Variants in KANK4 observed in about 807,000 individuals in gnomAD.
KANK4 encodes the protein KN motif and ankyrin repeat domain-containing protein 4.
Under a neutral mutation model 80.8 loss-of-function variants are expected in KANK4, and 50 were observed. That is an observed-to-expected ratio of 0.62 (90% CI 0.49 to 0.78). KANK4 has a LOEUF of 0.78. KANK4 is among the 30% of genes least tolerant of loss of function. The pLI, the probability that KANK4 is intolerant of heterozygous loss-of-function variation, is 0.00. For missense variants in KANK4, 1,196 were observed against 1,240.1 expected (o/e 0.96, Z 0.53); for synonymous variants, 465 against 506.9 (o/e 0.92, Z 1.11).
At chr1:62,256,513 G>T (rs1229918722) in intron 7 of KANK4, among the ~76,000 whole-genome samples, 1 of 151,994 alleles carries the variant, frequency 6.6e-6, no homozygotes. Flanking sequence ...AGCCTGAATA[G>T]CTGGGATTAC....
chr1:62,313,616 C>T (rs1179116147), intron 1 of KANK4, among the ~76,000 whole-genome samples: 3 of 151,934 alleles, frequency 2.0e-5, no homozygotes, highest in South Asian at 2.1e-4. Flanking sequence ...AACATTACAC[C>T]GCATGTTCTC....
At chr1:62,269,558 T>G (rs888691581) in intron 4 of KANK4, among the ~76,000 whole-genome samples, 1 of 152,176 alleles carries the variant, frequency 6.6e-6, no homozygotes, top group African/African-American at 2.4e-5. Context: ...GCATATTACA[T>G]TTACCAAACA....
At chr1:62,247,728 C>T (rs771624435) in intron 8 of KANK4, 56 bp from the exon 9 acceptor site, 43 of 1,470,384 alleles carry the variant, frequency 2.9e-5, no homozygotes, top group Non-Finnish European at 3.7e-5. Context: ...GAAGGACCCC[C>T]TCTCCAGCCT....
In KANK4 at chr1:62,266,734, A is replaced by T. The variant is rs1362462702; in HGVS notation, c.2317T>A (p.Leu773Met). Reference protein sequence around the residue: ...PETGTTTDQLLRQSLNTISQE... With the variant: ...PETGTTTDQLMRQSLNTISQE... ...ATGACAATGAAAAATTAGAGTACCA[A>T]GAGCTGGTCTGTGGTGGTCCCAGTT... Residue 773 changes from leucine (L) to methionine (M), a missense_variant and splice_region_variant, in exon 6 of 10, where the codon TTG (leucine) becomes ATG (methionine). Leu to Met is a conservative substitution (Grantham distance 15, BLOSUM62 2). This residue lies in a region of KANK4 where 1,154 missense variants were observed against 1,179.6 expected (regional missense o/e 0.98). Coordinates refer to ENST00000371153, the MANE Select transcript of KANK4 (RefSeq NM_181712.5). The T allele has an allele frequency of 6.3e-7, 1 of 1,595,030 alleles. No homozygotes were observed. The highest frequency in any genetic ancestry group is 1.3e-5 in the African/African-American group (1 of 74,482).
At position 62,238,048 on chromosome 1, in the gene KANK4, C is replaced by T; in HGVS notation, c.*229G>A. On this transcript the variant is annotated 3_prime_UTR_variant, in exon 10 of 10. Transcript: ENST00000371153. ...ACACCGACGTACCCCTCACCTTGCA[C>T]CTTGAACCCTGCTCTGAAGCCCGTG... 2 of 476,734 alleles carry T rather than the reference C, an allele frequency of 4.2e-6. No individual in the cohort carries two copies. Among genetic ancestry groups the T allele is most frequent in the East Asian group, 3.2e-5 (1 of 31,492 alleles). The allele number at this position is 476,734 out of a possible 1,614,324, so 29.5% of individuals were successfully genotyped here.
chr1:62,305,252 T>G (rs540490071), intron 1 of KANK4, among the ~76,000 whole-genome samples: 1 of 152,312 alleles, frequency 6.6e-6, no homozygotes, highest in East Asian at 1.9e-4. Context: ...ATAAAAGTGA[T>G]TCCAGGGAAA....
rs1671939386 is a variant in KANK4 at position 62,263,322 on chromosome 1, A to C, written c.2320-11T>G. On this transcript the variant is annotated splice_polypyrimidine_tract_variant and intron_variant, in intron 6 of 9. Coordinates refer to ENST00000371153, the MANE Select transcript of KANK4 (RefSeq NM_181712.5). ...GTTCAAGCTTTGCCTCTGAAACCCCAAAAAAGACCAATTCCAAGAGGTTCC... is the reference window on the plus strand; with the variant it reads ...GTTCAAGCTTTGCCTCTGAAACCCCCAAAAAGACCAATTCCAAGAGGTTCC... 1 of 1,607,374 alleles carries C rather than the reference A, an allele frequency of 6.2e-7. No homozygotes were observed. Among genetic ancestry groups the C allele is most frequent in the Non-Finnish European group, 8.5e-7 (1 of 1,175,826 alleles).
chr1:62,281,614 C>G lies in KANK4; in HGVS notation c.-50G>C, dbSNP rs754823048. On this transcript the variant is annotated 5_prime_UTR_variant, in exon 2 of 10. Transcript: ENST00000371153. ...CTCAGGCACTCTTCATCCAATGAGT[C>G]TGTAAAACTTGTTGAAGGTTCTGAA... 3 of 1,610,384 alleles carry G rather than the reference C, an allele frequency of 1.9e-6. No individual in the cohort carries two copies. The highest frequency in any genetic ancestry group is 2.7e-5 in the African/African-American group (2 of 74,828).
At chr1:62,299,789 T>C (rs10889318) in intron 1 of KANK4, among the ~76,000 whole-genome samples, 113,597 of 151,668 alleles carry the variant, frequency 0.75, 43,676 homozygotes, top group African/African-American at 0.92. Context: ...AATTTGTAGG[T>C]AGGATGTTTT....
intron 1 of KANK4, among the ~76,000 whole-genome samples, chr1:62,300,534 A>G (rs1644403161): frequency 6.6e-6 from 1 of 152,094 alleles, no homozygotes; most frequent in Non-Finnish European, 1.5e-5. Context: ...GGATGAGTAA[A>G]AGTTAAGCAG....
chr1:62,293,432 CT>C (rs1338924344), intron 1 of KANK4, among the ~76,000 whole-genome samples: 3 of 152,030 alleles, frequency 2.0e-5, no homozygotes, highest in Non-Finnish European at 4.4e-5. Context: ...AGCAGAGTCC[CT>C]GGCCCAGTGA....
chr1:62,271,454 C>T, intron 4 of KANK4, 24 bp downstream of exon 4: 1 of 1,497,780 alleles, frequency 6.7e-7, no homozygotes, highest in Non-Finnish European at 9.3e-7. Context: ...GAAAGGCAGT[C>T]TGAGCTTCAC....
chr1:62,315,841 A>T (rs1209476653), intron 1 of KANK4, among the ~76,000 whole-genome samples: 1 of 152,204 alleles, frequency 6.6e-6, no homozygotes, highest in Non-Finnish European at 1.5e-5. Context: ...TTGAACTAGG[A>T]GTAAAAGTTG....
intron 9 of KANK4, among the ~76,000 whole-genome samples, chr1:62,241,946 C>A (rs939227259): frequency 2.0e-5 from 3 of 152,178 alleles, no homozygotes; most frequent in African/African-American, 7.2e-5. Context: ...GACTCCTCGA[C>A]TGCAGACATG....
chr1:62,247,782 T>C, intron 8 of KANK4, 110 bp from the exon 9 acceptor site: 1 of 863,530 alleles, frequency 1.2e-6, no homozygotes, highest in Non-Finnish European at 1.9e-6. Flanking sequence ...ACCACTGATT[T>C]GAATCTCCTG....
At chr1:62,256,294 G>GA (rs1246711862) in intron 7 of KANK4, among the ~76,000 whole-genome samples, 1 of 151,694 alleles carries the variant, frequency 6.6e-6, no homozygotes, top group Non-Finnish European at 1.5e-5. Context: ...TATGGTTTAT[G>GA]AAAAAAATGT....
At chr1:62,277,828 T>C (rs1186608636) in intron 2 of KANK4, among the ~76,000 whole-genome samples, 1 of 152,238 alleles carries the variant, frequency 6.6e-6, no homozygotes, top group Admixed American at 6.5e-5. Context: ...GAGCCTGTAT[T>C]AATAATAAAT....
In KANK4 at chr1:62,308,537, C is replaced by T. The variant is rs1644472459; in HGVS notation, c.-71+10569G>A. ...CTCTCCTGGTCCAGGTTGGAGAGAA[C>T]TATCCTGGTCTCAGGAGGAATCACA... On this transcript the variant is annotated intron_variant, in intron 1 of 9. Transcript: ENST00000371153. Among the ~76,000 whole-genome samples, 3 of 152,162 alleles carry T rather than the reference C, an allele frequency of 2.0e-5. No homozygotes were observed. In the South Asian group the frequency reaches 6.2e-4, roughly 31 times the overall value.
At chr1:62,271,787 G>T in intron 3 of KANK4, 198 bp from the exon 4 acceptor site, 1 of 529,256 alleles carries the variant, frequency 1.9e-6, no homozygotes, top group South Asian at 2.1e-5. Context: ...TGGGAGAACT[G>T]TCTCTGTTAA....
Sources: allele counts gnomAD v4.1 joint callset (sites outside exome capture counted in the v4.1 genomes callset), GRCh38; gene constraint gnomAD v4.1.1; regional missense constraint gnomAD v4.1.1; transcripts MANE v1.5; gene names NCBI Gene and HGNC (gene_info 2026-07-23, HGNC 2026-07-21).